Variants in ADIPOR1 observed in about 807,000 individuals in gnomAD.
The protein encoded by ADIPOR1 is adiponectin receptor protein 1.
In ADIPOR1, 15 loss-of-function variants were observed where a neutral mutation model predicts 37.5. The ratio of observed to expected loss-of-function variants is 0.40; its 90% CI spans 0.27 to 0.62. ADIPOR1 has a LOEUF of 0.62. Ranked by LOEUF, ADIPOR1 falls within the 20% of genes least tolerant of loss-of-function variation. The pLI, the probability that ADIPOR1 is intolerant of heterozygous loss-of-function variation, is 0.42. For synonymous variants in ADIPOR1, 173 were observed against 173.2 expected (o/e 1.00, Z 0.01); for missense variants, 286 against 478.0 (o/e 0.60, Z 3.75).
rs150054242 is a variant in ADIPOR1 at position 202,957,693 on chromosome 1, G to A, written c.-95+492C>T. ...CCCATCAAAGTGAGGGCACTGTCAG[G>A]ACTTGACCTGCCAAAGATTGTTGGT... On this transcript the variant is annotated intron_variant, in intron 1 of 7. Transcript: ENST00000340990. Among the ~76,000 whole-genome samples the A allele has an allele frequency of 4.2e-3, 634 of 152,284 alleles. 3 individuals carry two copies. The highest frequency in any genetic ancestry group is 0.012 in the South Asian group (56 of 4,828).
At chr1:202,944,860 C>T (rs917271715) in intron 5 of ADIPOR1, 123 bp downstream of exon 5, 19 of 958,974 alleles carry the variant, frequency 2.0e-5, no homozygotes, top group Non-Finnish European at 2.3e-5. Context: ...AACAGAGAGC[C>T]TTTCCTCTGG....
chr1:202,942,189 C>T lies in ADIPOR1; in HGVS notation c.835G>A (p.Val279Ile), dbSNP rs372159963. 3.8e-5 allele frequency: 61 copies of T among 1,613,932 alleles called. No homozygotes were observed. Among genetic ancestry groups the T allele is most frequent in the Admixed American group, 2.7e-4 (16 of 59,982 alleles). ...ATAGTAAAGTGCATGGTGGGCACGA[C>T]GCCACTCAAGCCAAGTCCCAGGAAC... Reference protein sequence around the residue: ...GVFLGLGLSGVVPTMHFTIAE... With the variant: ...GVFLGLGLSGIVPTMHFTIAE... Residue 279 changes from valine to isoleucine, a missense_variant, in exon 7 of 8, where the codon GTC becomes ATC. Val to Ile is a conservative substitution (Grantham distance 29). Coordinates refer to ENST00000340990, the MANE Select transcript of ADIPOR1 (RefSeq NM_015999.6).
chr1:202,952,796 T>C (rs1654630968), intron 1 of ADIPOR1, among the ~76,000 whole-genome samples: 1 of 152,214 alleles, frequency 6.6e-6, no homozygotes. Context: ...CCCATCTCTA[T>C]CCATATGTAT....
intron 3 of ADIPOR1, among the ~76,000 whole-genome samples, chr1:202,947,943 ATC>A (rs1654400451): frequency 6.6e-6 from 1 of 152,248 alleles, no homozygotes; most frequent in South Asian, 2.1e-4. Context: ...GTTTCTATTC[ATC>A]ATTACTTAGA....
intron 2 of ADIPOR1, among the ~76,000 whole-genome samples, chr1:202,949,339 G>A (rs1010247445): frequency 1.3e-5 from 2 of 151,578 alleles, no homozygotes; most frequent in Non-Finnish European, 2.9e-5. Flanking sequence ...CCAGCACTTT[G>A]GGAGGCCGAG....
Position 202,941,601 on chromosome 1 carries a change from C to A in ADIPOR1, c.1100G>T (p.Gly367Val). The A allele has an allele frequency of 6.2e-7, 1 of 1,614,124 alleles. No individual in the cohort carries two copies. Among genetic ancestry groups the A allele is most frequent in the South Asian group, 1.1e-5 (1 of 91,066 alleles). The change falls in exon 8 of 8, where the codon GGC becomes GTC. Residue 367 changes from glycine (G) to valine (V), a missense_variant. By Grantham distance (109) the Gly-to-Val change is moderately radical (BLOSUM62 -3). Coordinates refer to ENST00000340990, the MANE Select transcript of ADIPOR1 (RefSeq NM_015999.6). ...NLQEFRYGLE[G>V]GCTDDTLL ...GAGAAGGGTGTCATCAGTACAGCCG[C>A]CTTCTAGGCCGTAACGGAATTCCTG...
At position 202,940,930 on chromosome 1, in the gene ADIPOR1, T is replaced by C. The variant is rs1229120731; in HGVS notation, c.*643A>G. 5 of 152,598 alleles carry C rather than the reference T, an allele frequency of 3.3e-5. No homozygotes were observed. Among genetic ancestry groups the C allele is most frequent in the Non-Finnish European group, 7.3e-5 (5 of 68,032 alleles). The allele number at this position is 152,598 out of a possible 1,614,324, so 9.5% of individuals were successfully genotyped here. Reference sequence around the variant, plus strand: ...TAGCAGGTTTCTTTTTAAAGCTTAGTATTAAATATTAAATATCTTTCCCCA... The same window carrying C: ...TAGCAGGTTTCTTTTTAAAGCTTAGCATTAAATATTAAATATCTTTCCCCA... On this transcript the variant is annotated 3_prime_UTR_variant, in exon 8 of 8. Coordinates refer to ENST00000340990, the MANE Select transcript of ADIPOR1 (RefSeq NM_015999.6).
At chr1:202,951,789 C>T (rs911093098) in intron 1 of ADIPOR1, among the ~76,000 whole-genome samples, 2 of 152,194 alleles carry the variant, frequency 1.3e-5, no homozygotes, top group African/African-American at 2.4e-5. Context: ...CCTGGGATAA[C>T]AAGCTTTCAT....
At chr1:202,946,657 C>T (rs750689509) in intron 3 of ADIPOR1, 47 bp from the exon 4 acceptor site, 1 of 1,593,996 alleles carries the variant, frequency 6.3e-7, no homozygotes, top group Non-Finnish European at 8.6e-7. Context: ...ATAGTACCTT[C>T]CCCAAGGACA....
intron 6 of ADIPOR1, 80 bp from the exon 7 acceptor site, chr1:202,942,298 C>A: frequency 7.3e-7 from 1 of 1,363,644 alleles, no homozygotes; most frequent in South Asian, 1.5e-5. Flanking sequence ...TCTGGAATTT[C>A]AATGTTTATG....
intron 2 of ADIPOR1, among the ~76,000 whole-genome samples, chr1:202,950,444 C>T (rs1455296353): frequency 6.6e-6 from 1 of 151,908 alleles, no homozygotes; most frequent in African/African-American, 2.4e-5. Flanking sequence ...CCTTTCTTCT[C>T]GTTTCCCTTT....
chr1:202,947,047 C>A (rs1023856990), intron 3 of ADIPOR1, among the ~76,000 whole-genome samples: 2 of 151,754 alleles, frequency 1.3e-5, no homozygotes, highest in Non-Finnish European at 2.9e-5. Flanking sequence ...ACCTGGCGGG[C>A]GGGGGTTGCA....
chr1:202,957,611 T>C (rs1372063794), intron 1 of ADIPOR1, among the ~76,000 whole-genome samples: 13 of 152,096 alleles, frequency 8.5e-5, no homozygotes, highest in Non-Finnish European at 1.5e-4. Flanking sequence ...CTGCCCCGCA[T>C]TTCAGCCTTC....
rs1654335342 is a variant in ADIPOR1 at position 202,946,674 on chromosome 1, G to A, written c.259-64C>T. 4.6e-6 allele frequency: 7 copies of A among 1,536,314 alleles called. No homozygotes were observed. In the South Asian group the frequency reaches 5.7e-5, roughly 12 times the overall value. On this transcript the variant is annotated intron_variant, in intron 3 of 7. Transcript: ENST00000340990. The stretch of plus-strand genomic sequence containing the variant: ...AGTACCTTCCCCAAGGACAAGCAGT[G>A]ATGGAGAACTAGTCTAAGAAGATGT...
rs567855711 is a variant in ADIPOR1, at chr1:202,944,964, T to C, written c.617+19A>G. 6 of 1,602,542 alleles carry C rather than the reference T, an allele frequency of 3.7e-6. No homozygotes were observed. The highest frequency in any genetic ancestry group is 1.7e-4 in the Middle Eastern group (1 of 5,986). On this transcript the variant is annotated intron_variant, in intron 5 of 7. Coordinates refer to ENST00000340990, the MANE Select transcript of ADIPOR1 (RefSeq NM_015999.6). ...GACAACAGTGCACAGTATTTTCCTA[T>C]GGTGTTCTTTTAACTCACTTGGAAA...
At chr1:202,947,771 A>G (rs1225677906) in intron 3 of ADIPOR1, among the ~76,000 whole-genome samples, 4 of 152,100 alleles carry the variant, frequency 2.6e-5, no homozygotes, top group Non-Finnish European at 5.9e-5. Flanking sequence ...TCCAGGGAAT[A>G]GATGGAAAAA....
chr1:202,958,132 T>TC (rs1230714489), intron 1 of ADIPOR1, 53 bp downstream of exon 1: 10 of 151,168 alleles, frequency 6.6e-5, no homozygotes, highest in Non-Finnish European at 8.9e-5. Context: ...GCCCCCGGGG[T>TC]CCCCGCGCTC....
rs1654420778 is a variant in ADIPOR1 at position 202,948,420 on chromosome 1, C to A, written c.142G>T (p.Ala48Ser). ...ACTGGGCATGTTTGCTCTTCTTCAG[C>A]CTATGGGGGAAAAAACCCACAACAA... is the stretch of plus-strand genomic sequence containing the variant. ...GKRVIANPPK[A>S]EEEQTCPVPQ... Residue 48 changes from alanine to serine, a missense_variant and splice_region_variant, in exon 3 of 8, where the codon GCT becomes TCT. Coordinates refer to ENST00000340990, the MANE Select transcript of ADIPOR1 (RefSeq NM_015999.6). The A allele has an allele frequency of 1.2e-6, 2 of 1,613,272 alleles. No homozygotes were observed. The highest frequency in any genetic ancestry group is 1.7e-6 in the Non-Finnish European group (2 of 1,179,446).
chr1:202,945,224 T>A, intron 4 of ADIPOR1, 55 bp from the exon 5 acceptor site: 1 of 1,442,132 alleles, frequency 6.9e-7, no homozygotes, highest in Non-Finnish European at 9.2e-7. Flanking sequence ...TGTGTACACT[T>A]TGATGGTTGA....
Sources: allele counts gnomAD v4.1 joint callset (sites outside exome capture counted in the v4.1 genomes callset), GRCh38; gene constraint gnomAD v4.1.1; transcripts MANE v1.5; gene names NCBI Gene and HGNC (gene_info 2026-07-23, HGNC 2026-07-21).